Variants in BIRC6 observed in about 807,000 individuals in gnomAD.
BIRC6 encodes dual E2 ubiquitin-conjugating enzyme/E3 ubiquitin-protein ligase BIRC6.
A neutral mutation model predicts 503.3 loss-of-function variants in BIRC6; 98 were observed. The ratio of observed to expected loss-of-function variants is 0.19; its 90% CI spans 0.17 to 0.23. BIRC6 has a LOEUF of 0.23. Among genes scored for constraint, BIRC6 ranks in the 10% least tolerant of loss-of-function variants. The probability of loss-of-function intolerance (pLI) is 1.00; values close to 1 mark genes in which losing one functional copy is unlikely to be tolerated. For missense variants in BIRC6, 5,360 were observed against 5,806.0 expected, an observed-to-expected ratio of 0.92 and a Z score of 2.50; for synonymous variants, 2,240 against 2,078.7, an observed-to-expected ratio of 1.08 and a Z score of -2.11.
chr2:32,617,123 G>A (rs897495308), intron 73 of BIRC6, among the ~76,000 whole-genome samples: 1 of 152,080 alleles, frequency 6.6e-6, no homozygotes, highest in Non-Finnish European at 1.5e-5. Flanking sequence ...ATGTATGTAG[G>A]CCGGGTGCAT....
chr2:32,464,954 GTACA>G (rs2048365601), intron 25 of BIRC6, 107 bp from the exon 26 acceptor site: 3 of 1,338,772 alleles, frequency 2.2e-6, no homozygotes, highest in East Asian at 2.5e-5. Flanking sequence ...AAATATTACA[GTACA>G]TACATTAAGA....
intron 33 of BIRC6, among the ~76,000 whole-genome samples, chr2:32,475,517 T>C (rs1439845350): frequency 1.3e-5 from 2 of 152,216 alleles, no homozygotes; most frequent in Non-Finnish European, 2.9e-5. Flanking sequence ...GTATTGACTG[T>C]TGTGGATACA....
intron 70 of BIRC6, among the ~76,000 whole-genome samples, chr2:32,601,519 T>C (rs2062056615): frequency 6.6e-6 from 1 of 152,126 alleles, no homozygotes; most frequent in African/African-American, 2.4e-5. Flanking sequence ...AGGCGGAGGT[T>C]GCGGTGAGCC....
At chr2:32,369,459 G>A (rs1490936180) in intron 1 of BIRC6, among the ~76,000 whole-genome samples, 1 of 149,474 alleles carries the variant, frequency 6.7e-6, no homozygotes, top group Non-Finnish European at 1.5e-5. Context: ...ATGTAGTCTG[G>A]CTCTGTTGCT....
chr2:32,462,954 C>CAA (rs544469284), intron 23 of BIRC6, among the ~76,000 whole-genome samples: 86 of 64,954 alleles, frequency 1.3e-3, no homozygotes, highest in African/African-American at 4.4e-3. Context: ...GACCCTGTCT[C>CAA]AAAAAAAAAA....
In BIRC6 at chr2:32,599,758, C is replaced by T. The variant is rs777498615; in HGVS notation, c.13850C>T (p.Ala4617Val). 1.3e-4 allele frequency: 208 copies of T among 1,613,522 alleles called. No homozygotes were observed. The highest frequency in any genetic ancestry group is 1.6e-4 in the Middle Eastern group (1 of 6,080). Residue 4617 changes from alanine to valine, a missense_variant, in exon 70 of 74, where the codon GCG becomes GTG. Ala to Val is a moderately conservative substitution (Grantham distance 64). Transcript: ENST00000421745. Reference sequence around the variant, plus strand: ...ATCCAGGTTCTAATAACTGGTCCAGCGGACACCCCTTATGCAAATGGCTGC... The same window carrying T: ...ATCCAGGTTCTAATAACTGGTCCAGTGGACACCCCTTATGCAAATGGCTGC... Reference protein sequence around the residue: ...DIMKVLITGPADTPYANGCFE... With the variant: ...DIMKVLITGPVDTPYANGCFE...
chr2:32,362,926 T>G (rs896547338), intron 1 of BIRC6, among the ~76,000 whole-genome samples: 4 of 152,218 alleles, frequency 2.6e-5, no homozygotes, highest in African/African-American at 9.6e-5. Context: ...TGAGGATAAT[T>G]GTACTAATTG....
Position 32,442,463 on chromosome 2 carries a change from T to C in BIRC6, c.4238+8T>C, listed in dbSNP as rs1167584440. 6.3e-7 allele frequency: 1 copy of C among 1,590,206 alleles called. No individual in the cohort carries two copies. On this transcript the variant is annotated splice_region_variant and intron_variant, in intron 19 of 73. Coordinates refer to ENST00000421745, the MANE Select transcript of BIRC6 (RefSeq NM_016252.4). ...TCTAGCCTTGTGCATTAGGTTGGTA[T>C]GTTTTTAAGTTGAAAGCATACTTTC...
chr2:32,522,414 AAGT>A (rs1196748612), intron 57 of BIRC6: 1 of 152,082 alleles, frequency 6.6e-6, no homozygotes, highest in Non-Finnish European at 1.5e-5. Flanking sequence ...TAATCTTTGT[AAGT>A]AGGATCAGAG....
intron 57 of BIRC6, 37 bp downstream of exon 57, chr2:32,518,983 T>C (rs1342567627): frequency 1.9e-6 from 3 of 1,582,192 alleles, no homozygotes; most frequent in African/African-American, 2.7e-5. Context: ...TGTTTAACTT[T>C]ATGTTTGATG....
intron 69 of BIRC6, among the ~76,000 whole-genome samples, chr2:32,598,360 T>C (rs1282441933): frequency 6.6e-6 from 1 of 151,748 alleles, no homozygotes; most frequent in African/African-American, 2.4e-5. Flanking sequence ...TTAATGCTGA[T>C]CAGTTAAAAA....
intron 9 of BIRC6, among the ~76,000 whole-genome samples, chr2:32,411,660 T>C (rs974116122): frequency 6.6e-6 from 1 of 151,752 alleles, no homozygotes. Context: ...GTGTTTTTGG[T>C]AGAGACGGGG....
chr2:32,465,354 TAA>T (rs2048435536), intron 26 of BIRC6, among the ~76,000 whole-genome samples, 190 bp downstream of exon 26: 1 of 150,652 alleles, frequency 6.6e-6, no homozygotes, highest in Non-Finnish European at 1.5e-5. Context: ...CCAAATTGCA[TAA>T]AGAGTGCTGT....
In BIRC6 at chr2:32,548,026, A is replaced by G; in HGVS notation, c.12975+12A>G. 4 of 1,578,704 alleles carry G rather than the reference A, an allele frequency of 2.5e-6. No individual in the cohort carries two copies. Among genetic ancestry groups the G allele is most frequent in the Non-Finnish European group, 3.4e-6 (4 of 1,168,954 alleles). ...CCTGCCTTCTGCAGGTATATTTGTA[A>G]ACTTGATATTGTTCATGATAATGGC... On this transcript the variant is annotated intron_variant, in intron 64 of 73. Coordinates refer to ENST00000421745, the MANE Select transcript of BIRC6 (RefSeq NM_016252.4).
At chr2:32,553,436 G>A (rs2058574140) in intron 65 of BIRC6, among the ~76,000 whole-genome samples, 1 of 151,568 alleles carries the variant, frequency 6.6e-6, no homozygotes, top group Non-Finnish European at 1.5e-5. Context: ...CGCCCAGGCT[G>A]GAGTGCAGTG....
Position 32,477,571 on chromosome 2 carries a change from G to A in BIRC6, c.7056G>A (p.Leu2352=), listed in dbSNP as rs758643556. 1 of 1,613,152 alleles carries A rather than the reference G, an allele frequency of 6.2e-7. No homozygotes were observed. The highest frequency in any genetic ancestry group is 8.5e-7 in the Non-Finnish European group (1 of 1,179,464). Residue 2352 remains leucine (L), a synonymous_variant, in exon 35 of 74, where the codon TTG becomes TTA. Transcript: ENST00000421745. ...MDFTCHADLL[L]FVCKVLARIA... ...TTACATGTCATGCAGATCTCTTATT[G>A]TTTGTTTGTAAGGTATGTAAACTAT... is the stretch of plus-strand genomic sequence containing the variant.
At chr2:32,461,063 TTCTGTTCTC>T (rs2047887321) in intron 23 of BIRC6, among the ~76,000 whole-genome samples, 1 of 37,930 alleles carries the variant, frequency 2.6e-5, no homozygotes, top group African/African-American at 7.4e-5. Flanking sequence ...TTCTCTTCTC[TTCTGTTCTC>T]CTCTCCTCTC....
At chr2:32,579,845 A>T (rs982921241) in intron 66 of BIRC6, among the ~76,000 whole-genome samples, 2 of 151,888 alleles carry the variant, frequency 1.3e-5, no homozygotes, top group Non-Finnish European at 2.9e-5. Flanking sequence ...ATCATTACTG[A>T]TGCATTCACT....
intron 65 of BIRC6, among the ~76,000 whole-genome samples, chr2:32,569,557 A>G (rs2059781009): frequency 6.6e-6 from 1 of 151,796 alleles, no homozygotes; most frequent in Admixed American, 6.6e-5. Context: ...GTTTTTGTAG[A>G]GATAAGGTCT....
Sources: gnomAD v4.1 joint callset for allele counts (sites outside exome capture counted in the v4.1 genomes callset) on GRCh38, gnomAD v4.1.1 for gene constraint, MANE v1.5 for transcripts, NCBI Gene and HGNC (gene_info 2026-07-23, HGNC 2026-07-21) for gene names.